HTR2C: variants seen among roughly 807,000 people sequenced by gnomAD.
HTR2C encodes 5-hydroxytryptamine (serotonin) receptor 2C, G protein-coupled.
HTR2C carries 5 observed loss-of-function variants against 21.0 expected under a neutral mutation model. That is an observed-to-expected ratio of 0.24 (90% CI 0.12 to 0.50). The LOEUF (loss-of-function observed/expected upper bound fraction) is 0.50. Ranked by LOEUF, HTR2C falls within the 20% of genes least tolerant of loss-of-function variation. The probability of loss-of-function intolerance (pLI) is 0.98; values close to 1 mark genes in which losing one functional copy is unlikely to be tolerated. For missense variants in HTR2C, 271 were observed against 371.2 expected (o/e 0.73, Z 2.22); for synonymous variants, 150 against 145.3 (o/e 1.03, Z -0.23).
intron 2 of HTR2C, among the ~76,000 whole-genome samples, chrX:114,623,906 GTT>G (rs35930521): frequency 2.2e-4 from 15 of 69,378 alleles, no homozygotes; most frequent in African/African-American, 8.0e-4. Flanking sequence ...TTTTGTTGTT[GTT>G]TTTTTTTTTT....
At chrX:114,630,904 T>C (rs782346784) in intron 2 of HTR2C, 2 of 364,677 alleles carry the variant, frequency 5.5e-6, no homozygotes, top group South Asian at 4.9e-5. Flanking sequence ...GGGCTACTCC[T>C]GCATGCAGCT....
chrX:114,870,573 T>C (rs782160895), intron 5 of HTR2C, among the ~76,000 whole-genome samples: 10 of 111,284 alleles, frequency 9.0e-5, no homozygotes, highest in Non-Finnish European at 1.7e-4. Context: ...CTGGGAGACT[T>C]TTTTTTATCA....
chrX:114,707,903 T>C (rs1211186858), intron 2 of HTR2C, among the ~76,000 whole-genome samples: 1 of 109,807 alleles, frequency 9.1e-6, no homozygotes, highest in Admixed American at 9.9e-5. Context: ...AAAAAAACTT[T>C]GCCTAAATAC....
chrX:114,786,590 C>T (rs782190927), intron 4 of HTR2C, among the ~76,000 whole-genome samples: 12 of 108,733 alleles, frequency 1.1e-4, no homozygotes, highest in Non-Finnish European at 1.9e-4. Flanking sequence ...AGCAATCTAA[C>T]ACCAAACCTT....
At chrX:114,790,995 C>A (rs1331547081) in intron 4 of HTR2C, among the ~76,000 whole-genome samples, 1 of 107,878 alleles carries the variant, frequency 9.3e-6, no homozygotes. Flanking sequence ...GAGACCCTGT[C>A]TCCAAAAAAA....
chrX:114,850,908 C>T (rs2070911861), intron 5 of HTR2C, among the ~76,000 whole-genome samples: 1 of 110,641 alleles, frequency 9.0e-6, no homozygotes, highest in Non-Finnish European at 1.9e-5. Context: ...AAAAAAATTC[C>T]TCCATCTAAA....
At chrX:114,855,599 T>C (rs149003841) in intron 5 of HTR2C, among the ~76,000 whole-genome samples, 80 of 110,200 alleles carry the variant, frequency 7.3e-4, no homozygotes, top group African/African-American at 2.5e-3. Flanking sequence ...TCATCCATTA[T>C]TGAGAAAGTA....
intron 2 of HTR2C, among the ~76,000 whole-genome samples, chrX:114,667,647 T>C (rs782721871): frequency 4.5e-5 from 5 of 111,766 alleles, no homozygotes; most frequent in South Asian, 7.4e-4. Context: ...ATGGAAGATG[T>C]GGAACTGGGT....
intron 5 of HTR2C, among the ~76,000 whole-genome samples, chrX:114,895,454 G>A (rs782755889): frequency 1.8e-5 from 2 of 111,224 alleles, no homozygotes; most frequent in East Asian, 5.7e-4. Flanking sequence ...TTCTTGATGT[G>A]TCTTGGTAGA....
At chrX:114,854,200 A>T (rs1032606039) in intron 5 of HTR2C, among the ~76,000 whole-genome samples, 6 of 111,596 alleles carry the variant, frequency 5.4e-5, no homozygotes, top group Non-Finnish European at 1.1e-4. Flanking sequence ...ATTATTAAGG[A>T]TTCCAGAGAG....
At chrX:114,697,863 G>A (rs1932325628) in intron 2 of HTR2C, among the ~76,000 whole-genome samples, 1 of 112,474 alleles carries the variant, frequency 8.9e-6, no homozygotes, top group African/African-American at 3.2e-5. Flanking sequence ...TCACTGTTCT[G>A]TAAGTCAGAA....
At chrX:114,689,618 G>T (rs1462355494) in intron 2 of HTR2C, among the ~76,000 whole-genome samples, 1 of 110,497 alleles carries the variant, frequency 9.1e-6, no homozygotes, top group African/African-American at 3.3e-5. Context: ...GTGATGTTAA[G>T]CATTTTTTTT....
intron 2 of HTR2C, among the ~76,000 whole-genome samples, chrX:114,723,909 A>G (rs1231021286): frequency 5.1e-5 from 5 of 97,169 alleles, no homozygotes; most frequent in Non-Finnish European, 8.3e-5. Flanking sequence ...GTTCTTTTAC[A>G]TTTGCTGAGG....
intron 2 of HTR2C, among the ~76,000 whole-genome samples, chrX:114,684,494 A>C (rs1931850233): frequency 8.9e-6 from 1 of 112,055 alleles, no homozygotes; most frequent in Non-Finnish European, 1.9e-5. Flanking sequence ...CCAGGTATGT[A>C]ATAATAAAAA....
intron 4 of HTR2C, among the ~76,000 whole-genome samples, chrX:114,831,919 C>A (rs1371694524): frequency 1.2e-5 from 1 of 81,216 alleles, no homozygotes; most frequent in Non-Finnish European, 2.4e-5. Context: ...CTACATATGG[C>A]TAGCCAGTTT....
At chrX:114,701,581 C>T (rs1414263188) in intron 2 of HTR2C, among the ~76,000 whole-genome samples, 1 of 110,968 alleles carries the variant, frequency 9.0e-6, no homozygotes, top group Non-Finnish European at 1.9e-5. Context: ...TCATCAAAGA[C>T]CAAAAGTAGA....
At chrX:114,707,249 C>T (rs1277504424) in intron 2 of HTR2C, among the ~76,000 whole-genome samples, 4 of 110,463 alleles carry the variant, frequency 3.6e-5, no homozygotes, top group African/African-American at 1.3e-4. Flanking sequence ...TTCAAAATAT[C>T]GTTGCAGACA....
intron 2 of HTR2C, among the ~76,000 whole-genome samples, chrX:114,657,272 A>C (rs993911622): frequency 1.8e-5 from 2 of 110,807 alleles, no homozygotes; most frequent in African/African-American, 6.5e-5. Context: ...TCTCCCAGCA[A>C]ATATTTAGAC....
At chrX:114,801,033 G>A (rs1356956750) in intron 4 of HTR2C, among the ~76,000 whole-genome samples, 8 of 111,236 alleles carry the variant, frequency 7.2e-5, no homozygotes, top group African/African-American at 1.6e-4. Context: ...GAAATGGAGA[G>A]CATTTGGCCG....
Sources: gnomAD v4.1 joint callset for allele counts (sites outside exome capture counted in the v4.1 genomes callset) on GRCh38, gnomAD v4.1.1 for gene constraint, MANE v1.5 for transcripts, NCBI Gene and HGNC (gene_info 2026-07-23, HGNC 2026-07-21) for gene names.